Variants in IL36B observed in about 807,000 individuals in gnomAD.
IL36B encodes interleukin 36 beta.
A neutral mutation model predicts 19.3 loss-of-function variants in IL36B; 23 were observed. The observed-to-expected ratio is 1.19, with a 90% CI of 0.86 to 1.69. The LOEUF is 1.69. Among genes scored for constraint, IL36B ranks in the 40% most tolerant of loss-of-function variants. The pLI is 0.00. For synonymous variants in IL36B, 59 were observed against 59.7 expected, an observed-to-expected ratio of 0.99 and a Z score of 0.05; for missense variants, 217 against 200.5, an observed-to-expected ratio of 1.08 and a Z score of -0.50.
At chr2:113,038,528 G>A (rs1051523780) in intron 1 of IL36B, among the ~76,000 whole-genome samples, 4 of 152,172 alleles carry the variant, frequency 2.6e-5, no homozygotes, top group South Asian at 2.1e-4. Flanking sequence ...GATCTCAAGC[G>A]CAGCTGTGAC....
intron 1 of IL36B, among the ~76,000 whole-genome samples, chr2:113,036,948 C>T (rs1204630863): frequency 6.6e-6 from 1 of 152,270 alleles, no homozygotes; most frequent in Non-Finnish European, 1.5e-5. Flanking sequence ...TCCGATTCTC[C>T]AGTCTGGGGA....
At chr2:113,038,960 TG>T (rs1451940043) in intron 1 of IL36B, among the ~76,000 whole-genome samples, 11 of 152,230 alleles carry the variant, frequency 7.2e-5, no homozygotes, top group African/African-American at 2.7e-4. Flanking sequence ...AGTTTCAGAC[TG>T]GATTAACCAT....
At chr2:113,048,949 A>T (rs1024840104) in intron 1 of IL36B, among the ~76,000 whole-genome samples, 1 of 152,196 alleles carries the variant, frequency 6.6e-6, no homozygotes, top group Non-Finnish European at 1.5e-5. Flanking sequence ...AATTTATTTT[A>T]AAAATGTTTA....
At chr2:113,036,119 AT>A (rs543468553) in intron 1 of IL36B, among the ~76,000 whole-genome samples, 1 of 151,470 alleles carries the variant, frequency 6.6e-6, no homozygotes, top group African/African-American at 2.4e-5. Context: ...TAATTTTTGT[AT>A]TTTTTTTGTA....
chr2:113,032,562 T>C (rs1472233069), intron 1 of IL36B, among the ~76,000 whole-genome samples: 1 of 152,168 alleles, frequency 6.6e-6, no homozygotes, highest in Non-Finnish European at 1.5e-5. Flanking sequence ...TTCAGTACTC[T>C]GTACCTTTGA....
At chr2:113,038,785 G>A (rs1573373072) in intron 1 of IL36B, among the ~76,000 whole-genome samples, 1 of 152,228 alleles carries the variant, frequency 6.6e-6, no homozygotes, top group Non-Finnish European at 1.5e-5. Context: ...CTAGTGGTAG[G>A]AGAGGGAGAC....
At chr2:113,052,606 A>G (rs1229616126) in intron 1 of IL36B, among the ~76,000 whole-genome samples, 4 of 152,242 alleles carry the variant, frequency 2.6e-5, no homozygotes, top group Admixed American at 1.3e-4. Flanking sequence ...TGAATGTGTA[A>G]CAAACGTTAA....
chr2:113,052,836 G>A lies in IL36B; in HGVS notation c.-77C>T, dbSNP rs1992762. The A allele has an allele frequency of 0.081, 12,329 of 152,298 alleles. 572 individuals carry two copies. The highest frequency in any genetic ancestry group is 0.099 in the African/African-American group (4,099 of 41,544). 9.4% of individuals were successfully genotyped at this position (152,298 alleles called of 1,614,324 possible). ...ACATACCTAGGAAAAGTGAAGGAGA[G>A]GTGAGAAAGACAGAGTGGGGAGGAA... On this transcript the variant is annotated 5_prime_UTR_variant, in exon 1 of 6. Transcript: ENST00000259213.
In IL36B at chr2:113,031,732, A is replaced by T; in HGVS notation, c.-23T>A. 1 of 1,599,204 alleles carries T rather than the reference A, an allele frequency of 6.3e-7. No individual in the cohort carries two copies. The highest frequency in any genetic ancestry group is 2.2e-5 in the East Asian group (1 of 44,774). ...CATGATGTCTTCAGAGCCTTTTGTG[A>T]AGAGAACAAGATAGATCAGATGGTG... On this transcript the variant is annotated 5_prime_UTR_variant, in exon 2 of 6. Transcript: ENST00000259213.
intron 4 of IL36B, 37 bp from the exon 5 acceptor site, chr2:113,028,152 A>G (rs1558831152): frequency 6.5e-7 from 1 of 1,540,106 alleles, no homozygotes; most frequent in Non-Finnish European, 9.0e-7. Flanking sequence ...AGAGGAGGAT[A>G]GGAGGAGGAA....
chr2:113,024,167 C>T (rs572883658), intron 5 of IL36B, among the ~76,000 whole-genome samples: 1 of 152,240 alleles, frequency 6.6e-6, no homozygotes, highest in South Asian at 2.1e-4. Flanking sequence ...CTCTCTACCA[C>T]CCTGTGAAAA....
chr2:113,044,260 ATGTGTGTGTGTGTGTGTGTGTGTGTG>A (rs56838257), intron 1 of IL36B, among the ~76,000 whole-genome samples: 4 of 142,538 alleles, frequency 2.8e-5, no homozygotes, highest in East Asian at 2.1e-4. Flanking sequence ...CTATATCTAT[ATGTGTGTGTGTGTGTGTGTGTGTGTG>A]TGTGTGTGTG....
intron 1 of IL36B, among the ~76,000 whole-genome samples, chr2:113,049,270 C>A (rs1685400982): frequency 6.6e-6 from 1 of 152,014 alleles, no homozygotes; most frequent in Non-Finnish European, 1.5e-5. Flanking sequence ...GCAACAAAAG[C>A]AACAAAAGAA....
At chr2:113,047,797 A>G (rs946787107) in intron 1 of IL36B, among the ~76,000 whole-genome samples, 7 of 152,218 alleles carry the variant, frequency 4.6e-5, no homozygotes, top group Non-Finnish European at 7.3e-5. Flanking sequence ...TGGTATAAAA[A>G]AATTAAAGGT....
intron 5 of IL36B, chr2:113,022,804 G>A: frequency 6.9e-7 from 1 of 1,458,440 alleles, no homozygotes; most frequent in Non-Finnish European, 9.6e-7. Flanking sequence ...GTATCTCCTA[G>A]GCTTAGCAAG....
chr2:113,039,739 A>T (rs1029800778), intron 1 of IL36B, among the ~76,000 whole-genome samples: 4 of 152,384 alleles, frequency 2.6e-5, no homozygotes, highest in Middle Eastern at 3.4e-3. Context: ...CATTTAAATG[A>T]ATTTAATTCT....
intron 5 of IL36B, among the ~76,000 whole-genome samples, chr2:113,025,767 C>T (rs913013582): frequency 2.0e-5 from 3 of 152,062 alleles, no homozygotes; most frequent in African/African-American, 7.2e-5. Context: ...TGAGCAGGAA[C>T]ATAGAGGGAA....
At chr2:113,047,665 G>C (rs1685372132) in intron 1 of IL36B, among the ~76,000 whole-genome samples, 1 of 152,132 alleles carries the variant, frequency 6.6e-6, no homozygotes, top group African/African-American at 2.4e-5. Context: ...AGTGGGAACA[G>C]GTATTGTGAC....
intron 5 of IL36B, among the ~76,000 whole-genome samples, chr2:113,023,930 G>T (rs537249936): frequency 2.6e-5 from 4 of 152,278 alleles, no homozygotes; most frequent in African/African-American, 9.6e-5. Flanking sequence ...GAGAGACAAA[G>T]ATTCTCAGTT....
Sources: gnomAD v4.1 joint callset for allele counts (sites outside exome capture counted in the v4.1 genomes callset) on GRCh38, gnomAD v4.1.1 for gene constraint, MANE v1.5 for transcripts, NCBI Gene and HGNC (gene_info 2026-07-23, HGNC 2026-07-21) for gene names.